RGS7: variants seen among roughly 807,000 people sequenced by gnomAD.
The protein encoded by RGS7 is regulator of G-protein signaling 7.
Under a neutral mutation model 81.1 loss-of-function variants are expected in RGS7, and 27 were observed. The observed-to-expected ratio is 0.33, with a 90% CI of 0.25 to 0.46. The LOEUF is 0.46. Ranked by LOEUF, RGS7 falls within the 20% of genes least tolerant of loss-of-function variation. RGS7 has a pLI of 1.00. For missense variants in RGS7, 396 were observed against 607.4 expected (o/e 0.65, Z 3.66); for synonymous variants, 208 against 207.7 (o/e 1.00, Z -0.01).
chr1:240,895,148 C>CT (rs377709949), intron 6 of RGS7, among the ~76,000 whole-genome samples: 8 of 152,268 alleles, frequency 5.3e-5, no homozygotes, highest in African/African-American at 1.9e-4. Context: ...CTCTTTTCAC[C>CT]TTCCACCATG....
chr1:241,240,325 C>T (rs1431273818), intron 2 of RGS7, among the ~76,000 whole-genome samples: 1 of 152,128 alleles, frequency 6.6e-6, no homozygotes. Flanking sequence ...GTCTAGGCAC[C>T]CTGCTGACGG....
At chr1:241,295,577 GC>G (rs2079375167) in intron 2 of RGS7, among the ~76,000 whole-genome samples, 1 of 152,182 alleles carries the variant, frequency 6.6e-6, no homozygotes, top group East Asian at 1.9e-4. Flanking sequence ...GAAAACACAG[GC>G]CACGTCCTAA....
chr1:241,001,260 C>T (rs1688103757), intron 3 of RGS7, among the ~76,000 whole-genome samples: 1 of 152,130 alleles, frequency 6.6e-6, no homozygotes, highest in Admixed American at 6.6e-5. Context: ...GCATCTCTTC[C>T]ATCCAGTTTG....
rs947813266 is a variant in RGS7 at position 241,342,325 on chromosome 1, C to G, written c.78+13374G>C. On this transcript the variant is annotated intron_variant, in intron 2 of 18. Transcript: ENST00000440928. The stretch of plus-strand genomic sequence containing the variant: ...AGCACACCAGCAGCTAAAAATATTA[C>G]CCCCAGGCAGAGATTTAGCACGTGC... Among the ~76,000 whole-genome samples the G allele has an allele frequency of 2.0e-5, 3 of 152,078 alleles. No individual in the cohort carries two copies. In the East Asian group the frequency reaches 5.8e-4, roughly 29 times the overall value.
At chr1:240,855,216 A>T (rs1488753810) in intron 9 of RGS7, among the ~76,000 whole-genome samples, 1 of 145,964 alleles carries the variant, frequency 6.9e-6, no homozygotes, top group Non-Finnish European at 1.5e-5. Flanking sequence ...ACAATATAAT[A>T]TTTATTTATT....
intron 6 of RGS7, among the ~76,000 whole-genome samples, chr1:240,878,927 T>G (rs1322208332): frequency 6.6e-6 from 1 of 152,202 alleles, no homozygotes; most frequent in Non-Finnish European, 1.5e-5. Context: ...TTCTTTTTAT[T>G]TTTTCCTTTT....
chr1:240,807,950 G>A (rs1277210185), intron 14 of RGS7, among the ~76,000 whole-genome samples: 6 of 149,946 alleles, frequency 4.0e-5, no homozygotes, highest in East Asian at 3.9e-4. Context: ...CACGAGAATC[G>A]CTTGAACCCG....
intron 14 of RGS7, among the ~76,000 whole-genome samples, chr1:240,808,048 A>G (rs1689187841): frequency 6.6e-6 from 1 of 151,958 alleles, no homozygotes; most frequent in African/African-American, 2.4e-5. Flanking sequence ...AAAAAAAAAA[A>G]AAAAAAGGGA....
chr1:241,237,637 T>C (rs1294667024), intron 2 of RGS7, among the ~76,000 whole-genome samples: 1 of 152,090 alleles, frequency 6.6e-6, no homozygotes, highest in Non-Finnish European at 1.5e-5. Flanking sequence ...TTTAAAAAAA[T>C]AAGACTTTTA....
chr1:241,010,780 A>T (rs183967506), intron 3 of RGS7, among the ~76,000 whole-genome samples: 31 of 152,294 alleles, frequency 2.0e-4, no homozygotes, highest in African/African-American at 7.5e-4. Flanking sequence ...GCGTCTGGGA[A>T]TCACAGCACC....
At chr1:241,138,362 GGAAA>G (rs1185460825) in intron 2 of RGS7, among the ~76,000 whole-genome samples, 1 of 152,112 alleles carries the variant, frequency 6.6e-6, no homozygotes, top group Non-Finnish European at 1.5e-5. Flanking sequence ...AAAGGATGCA[GGAAA>G]GAGAGGAGAG....
intron 3 of RGS7, among the ~76,000 whole-genome samples, chr1:241,031,704 A>C (rs1317802194): frequency 6.6e-6 from 1 of 151,950 alleles, no homozygotes; most frequent in Non-Finnish European, 1.5e-5. Context: ...TGTGGTTTTC[A>C]TTTGCATTTA....
intron 9 of RGS7, among the ~76,000 whole-genome samples, chr1:240,828,660 G>A (rs959594045): frequency 3.9e-5 from 6 of 152,174 alleles, no homozygotes; most frequent in African/African-American, 1.4e-4. Flanking sequence ...GGTGGCAGGC[G>A]CCTGTAGTCC....
chr1:241,244,489 C>A (rs1281386545), intron 2 of RGS7, among the ~76,000 whole-genome samples: 1 of 152,140 alleles, frequency 6.6e-6, no homozygotes, highest in Non-Finnish European at 1.5e-5. Flanking sequence ...GAAATAGGAA[C>A]ACTTTTACAC....
intron 3 of RGS7, among the ~76,000 whole-genome samples, chr1:241,002,798 C>T (rs942896153): frequency 6.6e-5 from 10 of 152,080 alleles, no homozygotes; most frequent in East Asian, 1.9e-4. Flanking sequence ...AGGATGTTCA[C>T]GTAAAAGTCA....
At chr1:240,843,160 T>C (rs1658411078) in intron 9 of RGS7, among the ~76,000 whole-genome samples, 1 of 149,388 alleles carries the variant, frequency 6.7e-6, no homozygotes, top group Non-Finnish European at 1.5e-5. Context: ...AGCGAAACTC[T>C]ATCTCAAAAA....
intron 2 of RGS7, among the ~76,000 whole-genome samples, chr1:241,178,999 G>A (rs1194408410): frequency 6.6e-6 from 1 of 152,168 alleles, no homozygotes; most frequent in African/African-American, 2.4e-5. Flanking sequence ...TTCCATCATG[G>A]TGCCTGCACT....
chr1:240,900,997 A>G (rs1446062890), intron 6 of RGS7, among the ~76,000 whole-genome samples: 1 of 152,044 alleles, frequency 6.6e-6, no homozygotes, highest in African/African-American at 2.4e-5. Flanking sequence ...GCAGTGGCAG[A>G]CACCCCTCCC....
At chr1:240,797,423 C>T (rs1687257683) in intron 18 of RGS7, among the ~76,000 whole-genome samples, 1 of 152,198 alleles carries the variant, frequency 6.6e-6, no homozygotes, top group Admixed American at 6.5e-5. Flanking sequence ...ATGATCTCTG[C>T]TCACTGCAAC....
Sources: gnomAD v4.1 joint callset for allele counts (sites outside exome capture counted in the v4.1 genomes callset) on GRCh38, gnomAD v4.1.1 for gene constraint, MANE v1.5 for transcripts, NCBI Gene and HGNC (gene_info 2026-07-23, HGNC 2026-07-21) for gene names.